EVC2: variants seen among roughly 807,000 people sequenced by gnomAD.
EVC2 encodes the protein limbin.
EVC2 carries 148 observed loss-of-function variants against 149.3 expected under a neutral mutation model. The observed-to-expected ratio is 0.99, with a 90% confidence interval of 0.87 to 1.14. The LOEUF (loss-of-function observed/expected upper bound fraction) is 1.14. Ranked by LOEUF, EVC2 falls within the 50% of genes most tolerant of loss-of-function variation. The pLI is 0.00. For missense variants in EVC2, 1,854 were observed against 1,627.3 expected (o/e 1.14, Z -2.40); for synonymous variants, 776 against 649.9 (o/e 1.19, Z -2.95).
intron 16 of EVC2, among the ~76,000 whole-genome samples, 156 bp from the exon 17 acceptor site, chr4:5,585,006 C>T (rs1448623596): frequency 6.6e-6 from 1 of 152,174 alleles, no homozygotes; most frequent in Admixed American, 6.5e-5. Context: ...GGAGCAACAT[C>T]AGAAAAGGCT....
chr4:5,597,090 A>G (rs183560763), intron 16 of EVC2, among the ~76,000 whole-genome samples: 1 of 152,316 alleles, frequency 6.6e-6, no homozygotes, highest in African/African-American at 2.4e-5. Context: ...TACCAACCAA[A>G]AAGAGTCCAG....
chr4:5,588,944 G>C (rs1402476977), intron 16 of EVC2, among the ~76,000 whole-genome samples: 1 of 152,172 alleles, frequency 6.6e-6, no homozygotes, highest in Non-Finnish European at 1.5e-5. Context: ...GGAACACTAG[G>C]CATAAATGCC....
chr4:5,642,635 G>A (rs923626920), intron 9 of EVC2, among the ~76,000 whole-genome samples: 3 of 152,178 alleles, frequency 2.0e-5, no homozygotes, highest in Non-Finnish European at 4.4e-5. Flanking sequence ...TGCTGGGTCA[G>A]ATGTCAGCGA....
At chr4:5,661,242 A>C (rs1240133888) in intron 9 of EVC2, among the ~76,000 whole-genome samples, 1 of 152,214 alleles carries the variant, frequency 6.6e-6, no homozygotes, top group Non-Finnish European at 1.5e-5. Flanking sequence ...GAAAGCAAAG[A>C]ATGTTAAAAT....
Position 5,584,850 on chromosome 4 carries a change from C to G in EVC2, c.2830G>C (p.Val944Leu), listed in dbSNP as rs1242116322. 2 of 1,614,162 alleles carry G rather than the reference C, an allele frequency of 1.2e-6. No homozygotes were observed. Among genetic ancestry groups the G allele is most frequent in the Non-Finnish European group, 1.7e-6 (2 of 1,180,044 alleles). ...CTCTCCCGCAGCAATTCACCTCGAA[C>G]CTGGGAGGGGACAGGGATGGACCCA... Reference protein sequence around the residue: ...EQASEDLVEKVRGELLRERVQ... With the variant: ...EQASEDLVEKLRGELLRERVQ... Residue 944 changes from valine to leucine, a missense_variant and splice_region_variant, in exon 17 of 22, where the codon GTT becomes CTT. Transcript: ENST00000344408.
chr4:5,696,443 C>G lies in EVC2; in HGVS notation c.283+1150G>C, dbSNP rs1431769761. Among the ~76,000 whole-genome samples the G allele has an allele frequency of 6.6e-6, 1 of 152,200 alleles. No homozygotes were observed. The highest frequency in any genetic ancestry group is 1.5e-5 in the Non-Finnish European group (1 of 68,026). ...GAGTTAGGCACAGAACCCAGACAAC[C>G]CCACCCAGTGGCCCCAGGGATAGGT... On this transcript the variant is annotated intron_variant, in intron 2 of 21. Coordinates refer to ENST00000344408, the MANE Select transcript of EVC2 (RefSeq NM_147127.5). This position sits in a 1 kb window ranked among gnomAD's most constrained non-coding sequence, Gnocchi z 4.1.
chr4:5,530,009 T>C, the EVC2 span, among the ~76,000 whole-genome samples: 1 of 152,100 alleles, frequency 6.6e-6, no homozygotes, highest in African/African-American at 2.4e-5. Flanking sequence ...AGAGACGGGA[T>C]TTCGCCATGT....
At chr4:5,632,148 A>G in intron 10 of EVC2, 116 bp from the exon 11 acceptor site, 2 of 1,363,578 alleles carry the variant, frequency 1.5e-6, no homozygotes, top group Admixed American at 2.1e-5. Flanking sequence ...ATGAACACAC[A>G]GATGCATGCA....
At chr4:5,681,143 C>A in intron 7 of EVC2, 117 bp downstream of exon 7, 1 of 1,153,134 alleles carries the variant, frequency 8.7e-7, no homozygotes, top group Non-Finnish European at 1.3e-6. Context: ...CCAGTCTCAA[C>A]GCATAACTGG....
rs1715481302 is a variant in EVC2 at position 5,618,937 on chromosome 4, C to T, written c.2502-255G>A. Among the ~76,000 whole-genome samples the T allele has an allele frequency of 2.0e-5, 3 of 152,190 alleles. No homozygotes were observed. Among genetic ancestry groups the T allele is most frequent in the South Asian group, 4.1e-4 (2 of 4,834 alleles). On this transcript the variant is annotated intron_variant, in intron 14 of 21. Coordinates refer to ENST00000344408, the MANE Select transcript of EVC2 (RefSeq NM_147127.5). The surrounding 1 kb of genome is among the most constrained non-coding windows in gnomAD (Gnocchi z 4.4). ...TGTGAGGGTGCCTTTGAGGAGGCAACAGGCCTTCCAGTGCCCACGACCTTG... is the reference window on the plus strand; with the variant it reads ...TGTGAGGGTGCCTTTGAGGAGGCAATAGGCCTTCCAGTGCCCACGACCTTG...
chr4:5,576,497 C>T lies in EVC2; in HGVS notation c.3058-43G>A, dbSNP rs1340135536. 3.2e-6 allele frequency: 5 copies of T among 1,546,250 alleles called. No individual in the cohort carries two copies. Among genetic ancestry groups the T allele is most frequent in the Admixed American group, 2.0e-5 (1 of 51,244 alleles). ...AGAGGGTAAGCACCACTGCACAAGG[C>T]GGGTGGGGTGGAGGACAAAATCTGA... On this transcript the variant is annotated intron_variant, in intron 17 of 21. Transcript: ENST00000344408. The surrounding 1 kb of genome is among the most constrained non-coding windows in gnomAD (Gnocchi z 4.5).
chr4:5,699,131 A>G (rs1721667987), intron 1 of EVC2, among the ~76,000 whole-genome samples: 1 of 152,176 alleles, frequency 6.6e-6, no homozygotes, highest in African/African-American at 2.4e-5. Context: ...ACGGAGATGG[A>G]GACTCCTGGA....
Position 5,562,498 on chromosome 4 carries a change from A to G in EVC2, c.*350T>C. The G allele has an allele frequency of 8.9e-7, 1 of 1,121,324 alleles. No homozygotes were observed. Among genetic ancestry groups the G allele is most frequent in the Non-Finnish European group, 1.1e-6 (1 of 913,980 alleles). 69.5% of individuals were successfully genotyped at this position (1,121,324 alleles called of 1,614,324 possible). The stretch of plus-strand genomic sequence containing the variant: ...TTTATAAAAATAGAATATGTAACAA[A>G]TACAAAACATAAGAGTAGAGAATCT... On this transcript the variant is annotated 3_prime_UTR_variant, in exon 22 of 22. Transcript: ENST00000344408. This position sits in a 1 kb window ranked among gnomAD's most constrained non-coding sequence, Gnocchi z 4.3.
downstream of EVC2, among the ~76,000 whole-genome samples, chr4:5,539,871 G>A (rs1721484967): frequency 6.6e-6 from 1 of 151,996 alleles, no homozygotes; most frequent in South Asian, 2.1e-4. Flanking sequence ...AGAAAAAGTT[G>A]ACAAATTGGA....
intron 16 of EVC2, among the ~76,000 whole-genome samples, chr4:5,597,218 G>T (rs1713516744): frequency 6.6e-6 from 1 of 152,146 alleles, no homozygotes; most frequent in Non-Finnish European, 1.5e-5. Context: ...CTCATTTTAT[G>T]AGGCCAGCAT....
At chr4:5,674,935 C>T (rs1050461500) in intron 7 of EVC2, among the ~76,000 whole-genome samples, 12 of 152,120 alleles carry the variant, frequency 7.9e-5, no homozygotes, top group South Asian at 2.1e-4. Context: ...CGAATGTCCA[C>T]GGAGAAGGCA....
chr4:5,706,437 GATAGATAGATACATAC>G (rs1722189789), intron 1 of EVC2, among the ~76,000 whole-genome samples: 6 of 41,058 alleles, frequency 1.5e-4, no homozygotes, highest in African/African-American at 4.0e-4. Context: ...TACATAGATA[GATAGATAGATACATAC>G]ATACATACAT....
At chr4:5,626,331 G>GTTTTTTTTT (rs34539817) in intron 12 of EVC2, among the ~76,000 whole-genome samples, 1 of 124,660 alleles carries the variant, frequency 8.0e-6, no homozygotes, top group Non-Finnish European at 1.7e-5. Flanking sequence ...CGTTCTTCTT[G>GTTTTTTTTT]TTTTTTTTTT....
chr4:5,638,398 A>AAC (rs1553839641), intron 10 of EVC2, among the ~76,000 whole-genome samples: 16 of 151,798 alleles, frequency 1.1e-4, no homozygotes, highest in South Asian at 2.1e-4. Context: ...CAAAAAACAA[A>AAC]AAAAAAAAAA....
Sources: gnomAD v4.1 joint callset for allele counts (sites outside exome capture counted in the v4.1 genomes callset) on GRCh38, gnomAD v4.1.1 for gene constraint, Gnocchi (gnomAD v3.1) non-coding constraint, MANE v1.5 for transcripts, NCBI Gene and HGNC (gene_info 2026-07-23, HGNC 2026-07-21) for gene names.